The following SGCZ variants were observed in gnomAD, a reference collection of about 807,000 sequenced individuals.
The protein encoded by SGCZ is zeta-sarcoglycan.
A neutral mutation model predicts 41.3 loss-of-function variants in SGCZ; 40 were observed. The ratio of observed to expected loss-of-function variants is 0.97; its 90% CI spans 0.75 to 1.26. The LOEUF is 1.26. Among genes scored for constraint, SGCZ ranks in the 50% most tolerant of loss-of-function variants. SGCZ has a pLI of 0.00. For missense variants in SGCZ, 552 were observed against 369.8 expected, an observed-to-expected ratio of 1.49 and a Z score of -4.04; for synonymous variants, 206 against 137.5, an observed-to-expected ratio of 1.50 and a Z score of -3.49.
intron 1 of SGCZ, among the ~76,000 whole-genome samples, chr8:14,692,160 ACCTAAATTACATAGTT>A (rs1808820177): frequency 6.6e-6 from 1 of 152,022 alleles, no homozygotes; most frequent in Non-Finnish European, 1.5e-5. Flanking sequence ...ATTTTTTACT[ACCTAAATTACATAGTT>A]AAATTGATAT....
chr8:14,239,255 ACACACAC>A (rs1433880854), intron 3 of SGCZ, among the ~76,000 whole-genome samples: 4 of 140 alleles, frequency 0.029, no homozygotes, highest in African/African-American at 0.083. Flanking sequence ...ATGAACACAC[ACACACAC>A]ACACACACAC....
chr8:15,113,872 T>G (rs964007429), intron 1 of SGCZ, among the ~76,000 whole-genome samples: 1 of 152,184 alleles, frequency 6.6e-6, no homozygotes, highest in African/African-American at 2.4e-5. Flanking sequence ...AGTTCCCCCA[T>G]AGGCCCCATC....
At chr8:14,641,988 G>T (rs1312487931) in intron 1 of SGCZ, among the ~76,000 whole-genome samples, 2 of 151,614 alleles carry the variant, frequency 1.3e-5, no homozygotes, top group South Asian at 4.1e-4. Context: ...AGGGATGCAA[G>T]GCCTTGGAAA....
intron 1 of SGCZ, among the ~76,000 whole-genome samples, chr8:14,706,933 A>G (rs1809349548): frequency 6.6e-6 from 1 of 151,884 alleles, no homozygotes; most frequent in African/African-American, 2.4e-5. Context: ...TATTTAGAAG[A>G]AAATTTTCAG....
chr8:14,214,466 G>A (rs1047307682), intron 4 of SGCZ, among the ~76,000 whole-genome samples: 2 of 152,024 alleles, frequency 1.3e-5, no homozygotes, highest in African/African-American at 4.8e-5. Context: ...AGTGACAAAT[G>A]TACCACACCA....
At chr8:14,678,511 G>T (rs372943903) in intron 1 of SGCZ, among the ~76,000 whole-genome samples, 19 of 152,270 alleles carry the variant, frequency 1.2e-4, no homozygotes, top group African/African-American at 4.6e-4. Context: ...TATTAAAATT[G>T]CCAAAACCAT....
intron 2 of SGCZ, among the ~76,000 whole-genome samples, chr8:14,442,878 T>C (rs1458777279): frequency 6.6e-6 from 1 of 152,218 alleles, no homozygotes. Flanking sequence ...TGAAGCCTGT[T>C]TGCAGATGAC....
At chr8:15,157,656 T>C (rs1039630976) in intron 1 of SGCZ, among the ~76,000 whole-genome samples, 25 of 152,192 alleles carry the variant, frequency 1.6e-4, no homozygotes, top group African/African-American at 5.3e-4. Context: ...GTCTTGTCTC[T>C]TCCTCCAAAA....
intron 3 of SGCZ, among the ~76,000 whole-genome samples, chr8:14,290,124 G>A (rs754531576): frequency 6.6e-6 from 1 of 152,012 alleles, no homozygotes; most frequent in Admixed American, 6.6e-5. Flanking sequence ...TTTGGGTGGT[G>A]ACACAGAGCC....
chr8:14,773,870 C>A (rs1463511910), intron 1 of SGCZ, among the ~76,000 whole-genome samples: 2 of 152,172 alleles, frequency 1.3e-5, no homozygotes, highest in Non-Finnish European at 2.9e-5. Flanking sequence ...AGACCTATGA[C>A]TGGAGAACAG....
intron 2 of SGCZ, among the ~76,000 whole-genome samples, chr8:14,389,949 G>T (rs573256088): frequency 6.6e-6 from 1 of 152,124 alleles, no homozygotes; most frequent in East Asian, 1.9e-4. Flanking sequence ...TAAAAACGGT[G>T]TGAGTATTGA....
At chr8:14,228,027 T>G (rs1431992977) in intron 4 of SGCZ, among the ~76,000 whole-genome samples, 1 of 130,094 alleles carries the variant, frequency 7.7e-6, no homozygotes, top group Non-Finnish European at 1.8e-5. Context: ...ACCCTAATAC[T>G]GAAGTGAATG....
At chr8:14,825,256 G>C (rs912700250) in intron 1 of SGCZ, among the ~76,000 whole-genome samples, 2 of 152,176 alleles carry the variant, frequency 1.3e-5, no homozygotes, top group Middle Eastern at 3.4e-3. Context: ...TCCTTAGCAA[G>C]ATACATGAAA....
At chr8:14,346,822 C>T (rs192222688) in intron 2 of SGCZ, among the ~76,000 whole-genome samples, 14 of 151,750 alleles carry the variant, frequency 9.2e-5, no homozygotes, top group African/African-American at 2.4e-4. Flanking sequence ...TATTTGTGTG[C>T]GCGCATGTTT....
intron 1 of SGCZ, among the ~76,000 whole-genome samples, chr8:15,055,321 T>C (rs1185754220): frequency 6.6e-6 from 1 of 152,176 alleles, no homozygotes; most frequent in East Asian, 1.9e-4. Flanking sequence ...AAAATATTAG[T>C]TATGATTATC....
chr8:14,218,140 C>A (rs13252423), intron 4 of SGCZ, among the ~76,000 whole-genome samples: 35,790 of 151,952 alleles, frequency 0.24, 5,397 homozygotes, highest in Non-Finnish European at 0.34. Context: ...TAAGGCAAAG[C>A]ATTTAAAATA....
chr8:14,190,463 T>C (rs1323882978), intron 4 of SGCZ, among the ~76,000 whole-genome samples: 1 of 152,122 alleles, frequency 6.6e-6, no homozygotes, highest in Non-Finnish European at 1.5e-5. Context: ...ACTTCCAATG[T>C]TTTAATATCA....
chr8:14,423,080 T>A (rs1031535321), intron 2 of SGCZ, among the ~76,000 whole-genome samples: 1 of 151,852 alleles, frequency 6.6e-6, no homozygotes, highest in Non-Finnish European at 1.5e-5. Flanking sequence ...TTTGAACCCA[T>A]GAGTGTTCAT....
chr8:14,964,596 T>C (rs1329565384), intron 1 of SGCZ, among the ~76,000 whole-genome samples: 1 of 152,166 alleles, frequency 6.6e-6, no homozygotes, highest in Non-Finnish European at 1.5e-5. Flanking sequence ...ATTCAGCCAA[T>C]CCCACACGTA....
Sources: allele counts gnomAD v4.1 joint callset (sites outside exome capture counted in the v4.1 genomes callset), GRCh38; gene constraint gnomAD v4.1.1; transcripts MANE v1.5; gene names NCBI Gene and HGNC (gene_info 2026-07-23, HGNC 2026-07-21).